ANAPC5: variants seen among roughly 807,000 people sequenced by gnomAD.
ANAPC5 encodes anaphase promoting complex subunit 5, also known as anaphase-promoting complex subunit 5.
Under a neutral mutation model 91.3 loss-of-function variants are expected in ANAPC5, and 60 were observed. The ratio of observed to expected loss-of-function variants is 0.66; its 90% confidence interval spans 0.53 to 0.81. The LOEUF (loss-of-function observed/expected upper bound fraction) is 0.81, where lower values mean the gene tolerates loss of function less well. Among genes scored for constraint, ANAPC5 ranks in the 40% least tolerant of loss-of-function variants. The pLI is 0.00. For synonymous variants in ANAPC5, 340 were observed against 364.1 expected (o/e 0.93, Z 0.75); for missense variants, 690 against 931.5 (o/e 0.74, Z 3.37).
chr12:121,344,594 A>AG (rs370345225), intron 4 of ANAPC5, among the ~76,000 whole-genome samples: 14 of 151,940 alleles, frequency 9.2e-5, no homozygotes, highest in African/African-American at 2.9e-4. Flanking sequence ...AAAAAAAAAA[A>AG]AAAGAAAGAA....
chr12:121,353,706 C>T (rs1170791621), upstream of ANAPC5, among the ~76,000 whole-genome samples: 2 of 152,156 alleles, frequency 1.3e-5, no homozygotes, highest in African/African-American at 4.8e-5. Context: ...TCCCAAAGTG[C>T]TGGGATTACA....
intron 15 of ANAPC5, among the ~76,000 whole-genome samples, chr12:121,313,005 T>C (rs1440378176): frequency 1.3e-5 from 2 of 152,048 alleles, no homozygotes; most frequent in African/African-American, 4.8e-5. Context: ...AGATCTCAAA[T>C]CAATAAGCGA....
chr12:121,319,600 T>C (rs1566182170), intron 13 of ANAPC5, 97 bp downstream of exon 13: 11 of 1,325,060 alleles, frequency 8.3e-6, no homozygotes, highest in East Asian at 7.9e-5. Context: ...AATAAAGTTT[T>C]TTTCTAAGCT....
chr12:121,352,352 ACTAAGTCTCGGGCCC>A lies in ANAPC5; in HGVS notation c.-27_-13del, dbSNP rs1903931875. The A allele has an allele frequency of 6.3e-7, 1 of 1,586,068 alleles. No homozygotes were observed. Among genetic ancestry groups the A allele is most frequent in the Non-Finnish European group, 8.6e-7 (1 of 1,163,112 alleles). On this transcript the variant is annotated 5_prime_UTR_variant, in exon 1 of 17. Transcript: ENST00000261819. ...TGGACGCTGGCCATGGCGGCCCGAG[ACTAAGTCTCGGGCCC>A]GCGGCGCGCTGCCGCCAGTTGTCAC...
intron 10 of ANAPC5, chr12:121,328,106 T>A: frequency 2.0e-6 from 1 of 493,270 alleles, no homozygotes; most frequent in Non-Finnish European, 3.6e-6. Flanking sequence ...CACAAAGTGG[T>A]TGGGAGGAGT....
chr12:121,308,969 T>C (rs1387322434), intron 16 of ANAPC5, among the ~76,000 whole-genome samples: 2 of 150,280 alleles, frequency 1.3e-5, no homozygotes, highest in Non-Finnish European at 3.0e-5. Context: ...GCCAACATGG[T>C]GAAACCTTGT....
At chr12:121,353,898 C>T (rs1555275776), upstream of ANAPC5, among the ~76,000 whole-genome samples, 1 of 152,050 alleles carries the variant, frequency 6.6e-6, no homozygotes, top group East Asian at 1.9e-4. Context: ...GACCCCCTCG[C>T]CCTCAGGAAT....
rs13141 is a variant in ANAPC5 at position 121,318,281 on chromosome 12, G to A, written c.1889C>T (p.Ala630Val). Residue 630 changes from alanine to valine, a missense_variant, in exon 15 of 17, where the codon GCG becomes GTG. By Grantham distance (64) the Ala-to-Val change is moderately conservative (BLOSUM62 0). Around this residue, in one of 5 missense-constraint regions of ANAPC5, gnomAD observed 317 missense variants for 438.7 expected, o/e 0.72. Transcript: ENST00000261819. ...TAAAAACAGAGATCGGCTTACCTGCGCAAAAGCCAAGTTCAGCACTGTTTC... is the reference window on the plus strand; with the variant it reads ...TAAAAACAGAGATCGGCTTACCTGCACAAAAGCCAAGTTCAGCACTGTTTC... ...ASETVLNLAFAQLILGIPEQA... is the reference protein window; with the variant it reads ...ASETVLNLAFVQLILGIPEQA... 8.7e-3 allele frequency: 13,219 copies of A among 1,526,822 alleles called. 60 individuals carry two copies. The highest frequency in any genetic ancestry group is 0.01 in the Non-Finnish European group (11,903 of 1,138,002). 94.6% of individuals were successfully genotyped at this position (1,526,822 alleles called of 1,614,324 possible).
chr12:121,318,172 T>C (rs1257946887), intron 15 of ANAPC5, 105 bp downstream of exon 15: 20 of 1,319,558 alleles, frequency 1.5e-5, no homozygotes, highest in Non-Finnish European at 1.7e-5. Flanking sequence ...GACGTCAATA[T>C]GAACAAATGA....
chr12:121,312,362 G>A (rs1902198460), intron 15 of ANAPC5, among the ~76,000 whole-genome samples: 1 of 151,918 alleles, frequency 6.6e-6, no homozygotes. Flanking sequence ...GCAGGAGTTC[G>A]AGACCAGCCT....
intron 7 of ANAPC5, chr12:121,332,197 A>G (rs1903069241): frequency 6.6e-6 from 1 of 152,306 alleles, no homozygotes; most frequent in Admixed American, 6.5e-5. Flanking sequence ...TCCTGGCCTC[A>G]AGCGATCCTC....
At chr12:121,341,865 G>A in intron 5 of ANAPC5, 138 bp downstream of exon 5, 1 of 530,750 alleles carries the variant, frequency 1.9e-6, no homozygotes, top group East Asian at 3.2e-5. Context: ...GAGGCAGAGG[G>A]GACCAAGAGT....
chr12:121,320,350 G>A (rs763890124), intron 12 of ANAPC5, 35 bp downstream of exon 12: 7 of 1,599,194 alleles, frequency 4.4e-6, no homozygotes, highest in Non-Finnish European at 5.1e-6. Flanking sequence ...ATTTTTATCA[G>A]AAATAAATCT....
intron 5 of ANAPC5, among the ~76,000 whole-genome samples, chr12:121,340,776 G>A (rs1364434511): frequency 2.6e-5 from 4 of 151,462 alleles, no homozygotes; most frequent in African/African-American, 9.7e-5. Context: ...TGGTCAGGCT[G>A]CTCTCAAACA....
At chr12:121,308,789 G>A in intron 16 of ANAPC5, 98 bp from the exon 17 acceptor site, 4 of 997,324 alleles carry the variant, frequency 4.0e-6, no homozygotes, top group Non-Finnish European at 6.3e-6. Context: ...ACAACTACCA[G>A]AAGATTCTTT....
chr12:121,309,681 G>C lies in ANAPC5; in HGVS notation c.2056+20C>G. ...CTTTCTGGAATAGCATTGCCTAACA[G>C]TCTTCGTACAGCTTCCTACCTTCTG... On this transcript the variant is annotated intron_variant, in intron 16 of 16. Transcript: ENST00000261819. 2 of 1,608,374 alleles carry C rather than the reference G, an allele frequency of 1.2e-6. No individual in the cohort carries two copies. The highest frequency in any genetic ancestry group is 1.3e-5 in the African/African-American group (1 of 74,798).
At chr12:121,327,525 A>C in intron 10 of ANAPC5, 1 of 374,320 alleles carries the variant, frequency 2.7e-6, no homozygotes, top group Non-Finnish European at 4.8e-6. Context: ...TAGTATGTTA[A>C]TTAGTTTTCA....
intron 11 of ANAPC5, 90 bp downstream of exon 11, chr12:121,327,006 A>C: frequency 6.8e-7 from 1 of 1,471,970 alleles, no homozygotes; most frequent in Non-Finnish European, 9.0e-7. Context: ...ACTGTCCAAC[A>C]CGTGTCCAGT....
At chr12:121,331,493 G>T in intron 7 of ANAPC5, 65 bp from the exon 8 acceptor site, 1 of 1,379,114 alleles carries the variant, frequency 7.3e-7, no homozygotes, top group Non-Finnish European at 1.0e-6. Context: ...AACCATAGCA[G>T]GAAGTCATCT....
Sources: gnomAD v4.1 joint callset for allele counts (sites outside exome capture counted in the v4.1 genomes callset) on GRCh38, gnomAD v4.1.1 for gene constraint, gnomAD v4.1.1 regional missense constraint, MANE v1.5 for transcripts, NCBI Gene and HGNC (gene_info 2026-07-23, HGNC 2026-07-21) for gene names.